ZNF665: variants seen among roughly 807,000 people sequenced by gnomAD.
The protein encoded by ZNF665 is zinc finger protein 665.
Under a neutral mutation model 7.9 loss-of-function variants are expected in ZNF665, and 6 were observed. The observed-to-expected ratio is 0.76, with a 90% CI of 0.42 to 1.50. ZNF665 has a LOEUF of 1.50. Among genes scored for constraint, ZNF665 ranks in the 40% most tolerant of loss-of-function variants. The pLI, the probability that ZNF665 is intolerant of heterozygous loss-of-function variation, is 0.01. For synonymous variants in ZNF665, 242 were observed against 274.5 expected, an observed-to-expected ratio of 0.88 and a Z score of 1.17; for missense variants, 819 against 806.7, an observed-to-expected ratio of 1.02 and a Z score of -0.18.
In ZNF665 at chr19:53,176,623, A is replaced by G. The variant is rs142820410; in HGVS notation, c.16-1052T>C. 2.3e-4 allele frequency among the ~76,000 whole-genome samples: 35 copies of G among 152,336 alleles called. 1 individual carries two copies. In the East Asian group the frequency reaches 5.0e-3, roughly 22 times the overall value. ...CCCAAGCCACAATCTGTGTTTGTGAATGGCAATGAGGTGGCTGCACCCTTG... is the reference window on the plus strand; with the variant it reads ...CCCAAGCCACAATCTGTGTTTGTGAGTGGCAATGAGGTGGCTGCACCCTTG... On this transcript the variant is annotated intron_variant, in intron 2 of 3. Transcript: ENST00000396424.
At chr19:53,182,308 T>C (rs2090743893) in intron 2 of ZNF665, 1 of 188,286 alleles carries the variant, frequency 5.3e-6, no homozygotes, top group Non-Finnish European at 1.1e-5. Context: ...GAGGCGGAGG[T>C]TGCAGTGAGC....
In ZNF665 at chr19:53,165,892, GA is replaced by G; in HGVS notation, c.597del (p.His200IlefsTer22). On this transcript the variant is annotated frameshift_variant, in exon 4 of 4. Coordinates refer to ENST00000396424, the MANE Select transcript of ZNF665 (RefSeq NM_024733.5). LOFTEE classifies it low-confidence loss of function (END_TRUNC). ...CACTGGTAAGGCTTCTCTCCAGTAT[GA>G]ATTCTCTTATGACTTGTTAGCCGTG... ...QNSRLTSHKR[I>X]HTGEKPYQCN... The G allele has an allele frequency of 6.2e-7, 1 of 1,614,168 alleles. No homozygotes were observed. The highest frequency in any genetic ancestry group is 8.5e-7 in the Non-Finnish European group (1 of 1,180,036).
At chr19:53,188,800 C>T (rs930742950) in intron 1 of ZNF665, among the ~76,000 whole-genome samples, 5 of 151,854 alleles carry the variant, frequency 3.3e-5, no homozygotes, top group African/African-American at 4.8e-5. Context: ...TGGGTTCAAG[C>T]GATTCTCCTG....
chr19:53,178,789 T>C (rs16984547), intron 2 of ZNF665, among the ~76,000 whole-genome samples: 14,108 of 152,140 alleles, frequency 0.093, 776 homozygotes, highest in African/African-American at 0.12. Context: ...CCTAGAAAGA[T>C]ACAGTAAAAA....
Position 53,164,586 on chromosome 19 carries a change from A to G in ZNF665, c.1904T>C (p.Phe635Ser), listed in dbSNP as rs2090590059. The change falls in exon 4 of 4, where the codon TTC (phenylalanine) becomes TCC (serine). Residue 635 changes from phenylalanine to serine, a missense_variant. Phe to Ser is a radical substitution (Grantham distance 155). Transcript: ENST00000396424. Reference sequence around the variant, plus strand: ...GGTAGTTAGGGTTGAACGAACACTGAAGGCTTTCCCACACTCATTACACCT... The same window carrying G: ...GGTAGTTAGGGTTGAACGAACACTGGAGGCTTTCCCACACTCATTACACCT... The part of the protein sequence containing the change: ...PYRCNECGKA[F>S]SVRSTLTTHM... The G allele has an allele frequency of 6.2e-7, 1 of 1,614,144 alleles. No individual in the cohort carries two copies. The highest frequency in any genetic ancestry group is 8.5e-7 in the Non-Finnish European group (1 of 1,179,986).
At chr19:53,171,674 G>A (rs891645510) in intron 3 of ZNF665, among the ~76,000 whole-genome samples, 3 of 151,228 alleles carry the variant, frequency 2.0e-5, no homozygotes, top group Admixed American at 1.3e-4. Context: ...GATTACAGGT[G>A]CCTGCCACCA....
At chr19:53,180,981 A>G (rs1391722189) in intron 2 of ZNF665, 1 of 152,212 alleles carries the variant, frequency 6.6e-6, no homozygotes, top group Non-Finnish European at 1.5e-5. Flanking sequence ...TTGCAACAAT[A>G]CTTACTCAAA....
chr19:53,176,673 G>C (rs2090700740), intron 2 of ZNF665, among the ~76,000 whole-genome samples: 1 of 152,218 alleles, frequency 6.6e-6, no homozygotes, highest in Non-Finnish European at 1.5e-5. Context: ...ACACCTGTGG[G>C]ATGTGATGCC....
At position 53,163,780 on chromosome 19, in the gene ZNF665, T is replaced by G. The variant is rs987444082; in HGVS notation, c.*673A>C. 3.3e-5 allele frequency: 5 copies of G among 152,206 alleles called. No individual in the cohort carries two copies. Among genetic ancestry groups the G allele is most frequent in the African/African-American group, 1.2e-4 (5 of 41,452 alleles). 9.4% of individuals were successfully genotyped at this position (152,206 alleles called of 1,614,324 possible). Reference sequence around the variant, plus strand: ...AACACATTTGGACTTCTGATTATGCTGAAGTATATAATATCAGAGGGTTAT... The same window carrying G: ...AACACATTTGGACTTCTGATTATGCGGAAGTATATAATATCAGAGGGTTAT... On this transcript the variant is annotated 3_prime_UTR_variant, in exon 4 of 4. Coordinates refer to ENST00000396424, the MANE Select transcript of ZNF665 (RefSeq NM_024733.5).
At chr19:53,168,055 C>CAAAAAAAAAAAAA (rs57521729) in intron 3 of ZNF665, among the ~76,000 whole-genome samples, 1 of 66,386 alleles carries the variant, frequency 1.5e-5, no homozygotes, top group African/African-American at 5.5e-5. Context: ...GACTCCCTCT[C>CAAAAAAAAAAAAA]AAAAAAAAAA....
At chr19:53,180,859 ATATT>A (rs1373389659) in intron 2 of ZNF665, 1 of 152,198 alleles carries the variant, frequency 6.6e-6, no homozygotes, top group Non-Finnish European at 1.5e-5. Flanking sequence ...TTAAATTTAG[ATATT>A]TAGGCATTAA....
chr19:53,190,607 C>A (rs2090809533), intron 1 of ZNF665, among the ~76,000 whole-genome samples: 1 of 152,180 alleles, frequency 6.6e-6, no homozygotes, highest in African/African-American at 2.4e-5. Flanking sequence ...CTTGCTAAAA[C>A]CATTCATCTG....
At chr19:53,167,655 C>A (rs2090626425) in intron 3 of ZNF665, among the ~76,000 whole-genome samples, 1 of 147,896 alleles carries the variant, frequency 6.8e-6, no homozygotes, top group Non-Finnish European at 1.5e-5. Context: ...ACCGTGTTAG[C>A]CAGGATGGTC....
In ZNF665 at chr19:53,164,517, T is replaced by C; in HGVS notation, c.1973A>G (p.Gln658Arg). ...ATTTTGAGTAAAGACCTTGCCACAT[T>C]GGTTACATTTGTAAGGTTTGTCTCC... ...HTGDKPYKCN[Q>R]CGKVFTQNSN... Residue 658 changes from glutamine to arginine, a missense_variant, in exon 4 of 4, where the codon CAA becomes CGA. Coordinates refer to ENST00000396424, the MANE Select transcript of ZNF665 (RefSeq NM_024733.5). 1 of 1,611,574 alleles carries C rather than the reference T, an allele frequency of 6.2e-7. No individual in the cohort carries two copies. Among genetic ancestry groups the C allele is most frequent in the Non-Finnish European group, 8.5e-7 (1 of 1,179,136 alleles).
At position 53,165,651 on chromosome 19, in the gene ZNF665, T is replaced by C. The variant is rs901106423; in HGVS notation, c.839A>G (p.His280Arg). ...AFRAHSKLTT[H>R]QVIHTGEKPY... ...TTTTTCTCCAGTATGGATGACCTGA[T>C]GTGTAGTTAGTTTTGAATGTGCTCT... The change falls in exon 4 of 4, where the codon CAT becomes CGT. Residue 280 changes from histidine to arginine, a missense_variant. His to Arg is a conservative substitution (Grantham distance 29). Coordinates refer to ENST00000396424, the MANE Select transcript of ZNF665 (RefSeq NM_024733.5). 6.2e-7 allele frequency: 1 copy of C among 1,614,202 alleles called. No homozygotes were observed. The highest frequency in any genetic ancestry group is 8.5e-7 in the Non-Finnish European group (1 of 1,180,036).
intron 2 of ZNF665, chr19:53,182,452 G>T: frequency 2.0e-6 from 1 of 493,546 alleles, no homozygotes. Flanking sequence ...ATATAAATGA[G>T]GTGACAAAGC....
intron 2 of ZNF665, among the ~76,000 whole-genome samples, chr19:53,177,389 G>A (rs2090706244): frequency 6.6e-6 from 1 of 152,062 alleles, no homozygotes; most frequent in African/African-American, 2.4e-5. Flanking sequence ...CTTGAGGTCA[G>A]GAGTTCGAGA....
At chr19:53,171,488 TTGTG>T (rs1196693590) in intron 3 of ZNF665, among the ~76,000 whole-genome samples, 14 of 76,004 alleles carry the variant, frequency 1.8e-4, no homozygotes, top group African/African-American at 5.0e-4. Flanking sequence ...ATCTTTACAT[TTGTG>T]TGTGTGTGTG....
At chr19:53,184,799 A>G (rs1437940969) in intron 1 of ZNF665, among the ~76,000 whole-genome samples, 1 of 148,704 alleles carries the variant, frequency 6.7e-6, no homozygotes. Context: ...CCGCGCTGAT[A>G]TTTATTGGAT....
Sources: allele counts gnomAD v4.1 joint callset (sites outside exome capture counted in the v4.1 genomes callset), GRCh38; gene constraint gnomAD v4.1.1; transcripts MANE v1.5; gene names NCBI Gene and HGNC (gene_info 2026-07-23, HGNC 2026-07-21).